The following ZFHX3 variants were observed in gnomAD, a reference collection of about 807,000 sequenced individuals.
ZFHX3 encodes zinc finger homeobox 3, also known as zinc finger homeobox protein 3.
ZFHX3 carries 42 observed loss-of-function variants against 279.1 expected under a neutral mutation model. That is an observed-to-expected ratio of 0.15 (90% CI 0.12 to 0.19). The LOEUF is 0.19. Ranked by LOEUF, ZFHX3 falls within the 10% of genes least tolerant of loss-of-function variation. The pLI is 1.00. For missense variants in ZFHX3, 4,981 were observed against 4,754.0 expected (o/e 1.05, Z -1.40); for synonymous variants, 2,293 against 1,957.8 (o/e 1.17, Z -4.52).
intron 5 of ZFHX3, among the ~76,000 whole-genome samples, chr16:73,235,969 C>T (rs1447218403): frequency 1.3e-5 from 2 of 152,128 alleles, no homozygotes; most frequent in African/African-American, 2.4e-5. Flanking sequence ...TTGCACCTGG[C>T]CCAAATATAT....
intron 3 of ZFHX3, among the ~76,000 whole-genome samples, chr16:73,344,585 A>G (rs2016091440): frequency 6.6e-6 from 1 of 152,222 alleles, no homozygotes; most frequent in South Asian, 2.1e-4. Flanking sequence ...TAGGTAAAAC[A>G]ATGTTCTTGT....
intron 7 of ZFHX3, among the ~76,000 whole-genome samples, chr16:73,105,420 T>TATATATATATACACACACACAC (rs1966289282): frequency 1.3e-5 from 1 of 77,962 alleles, no homozygotes; most frequent in Non-Finnish European, 2.7e-5. Flanking sequence ...CACACACACA[T>TATATATATATACACACACACAC]ATATATATAT....
chr16:73,727,654 T>G (rs1364752889), intron 1 of ZFHX3, among the ~76,000 whole-genome samples: 1 of 152,194 alleles, frequency 6.6e-6, no homozygotes, highest in Admixed American at 6.5e-5. Flanking sequence ...CCATCCCATT[T>G]CTAGGTATCT....
intron 1 of ZFHX3, among the ~76,000 whole-genome samples, chr16:73,856,998 CACAG>C (rs1358778471): frequency 6.6e-6 from 1 of 152,192 alleles, no homozygotes; most frequent in Admixed American, 6.5e-5. Flanking sequence ...CAGAGAGCGG[CACAG>C]ACAAACAGAG....
chr16:73,222,240 G>A (rs2012445891), intron 5 of ZFHX3, among the ~76,000 whole-genome samples: 1 of 151,916 alleles, frequency 6.6e-6, no homozygotes, highest in African/African-American at 2.4e-5. Context: ...TGCATTTAAA[G>A]CACTTAGCTT....
chr16:73,690,602 C>T (rs888161654), intron 1 of ZFHX3, among the ~76,000 whole-genome samples: 1 of 152,240 alleles, frequency 6.6e-6, no homozygotes, highest in African/African-American at 2.4e-5. Flanking sequence ...GAAGTAGTGT[C>T]TATTTCTTCA....
chr16:73,654,262 T>C (rs1478004862), intron 2 of ZFHX3, among the ~76,000 whole-genome samples: 1 of 151,788 alleles, frequency 6.6e-6, no homozygotes, highest in Non-Finnish European at 1.5e-5. Flanking sequence ...AAGTACGACA[T>C]TTAACAAAAT....
chr16:73,258,584 G>A (rs562120009), intron 4 of ZFHX3, among the ~76,000 whole-genome samples: 9 of 152,128 alleles, frequency 5.9e-5, no homozygotes, highest in East Asian at 5.8e-4. Context: ...TCCTGACCTC[G>A]TGATCCGCCC....
At chr16:72,824,627 G>A (rs2036888688) in intron 5 of ZFHX3, among the ~76,000 whole-genome samples, 1 of 152,084 alleles carries the variant, frequency 6.6e-6, no homozygotes, top group Non-Finnish European at 1.5e-5. Flanking sequence ...ACTCAGCCTG[G>A]TACTCTGTGG....
rs8056382 is a variant in ZFHX3, at chr16:72,995,919, G to C, written c.-49-35725C>G. 6.5e-3 allele frequency among the ~76,000 whole-genome samples: 987 copies of C among 152,300 alleles called. 12 individuals are homozygous for C. The highest frequency in any genetic ancestry group is 0.022 in the African/African-American group (934 of 41,556). ...AGGGCCTTAGGCTCCAGAATTTCTC[G>C]ATGTTCTGCTCAGGAGGCACTGTCC... On this transcript the variant is annotated intron_variant, in intron 1 of 9. Coordinates refer to ENST00000268489, the MANE Select transcript of ZFHX3 (RefSeq NM_006885.4).
At chr16:73,426,919 T>G (rs1179357955) in intron 3 of ZFHX3, among the ~76,000 whole-genome samples, 1 of 152,128 alleles carries the variant, frequency 6.6e-6, no homozygotes, top group African/African-American at 2.4e-5. Context: ...GTCAACGTGT[T>G]GATTATTCTG....
intron 2 of ZFHX3, among the ~76,000 whole-genome samples, chr16:73,575,037 GT>G (rs2051785486): frequency 6.6e-6 from 1 of 152,122 alleles, no homozygotes; most frequent in South Asian, 2.1e-4. Flanking sequence ...TCCTCATGCC[GT>G]TTTGTGTGTT....
At chr16:73,361,884 G>A (rs947200935) in intron 3 of ZFHX3, among the ~76,000 whole-genome samples, 1 of 152,058 alleles carries the variant, frequency 6.6e-6, no homozygotes, top group African/African-American at 2.4e-5. Flanking sequence ...CCAATAGGAG[G>A]GATTTCTCTT....
rs201708317 is a variant in ZFHX3, at chr16:73,841,648, A to C, written c.-1608+50003T>G. Among the ~76,000 whole-genome samples the C allele has an allele frequency of 1.9e-3, 286 of 152,270 alleles. 1 individual carries two copies. Among genetic ancestry groups the C allele is most frequent in the African/African-American group, 6.4e-3 (264 of 41,558 alleles). On this transcript the variant is annotated intron_variant, in intron 1 of 17. Coordinates refer to the ZFHX3 transcript ENST00000641206. ...CCTCCCCAAGAGCTGAGATCCCTCC[A>C]CCACCCATCCGGGAGCTCTCTTGGA...
At chr16:73,621,105 T>C (rs2052356642) in intron 2 of ZFHX3, among the ~76,000 whole-genome samples, 2 of 152,102 alleles carry the variant, frequency 1.3e-5, no homozygotes, top group Admixed American at 6.5e-5. Context: ...GAGGAAGAGG[T>C]CTTGGGGAGG....
At chr16:73,575,967 G>A (rs144833058) in intron 2 of ZFHX3, among the ~76,000 whole-genome samples, 1 of 152,120 alleles carries the variant, frequency 6.6e-6, no homozygotes, top group Non-Finnish European at 1.5e-5. Context: ...TGGATTTTCA[G>A]GATGAATGGA....
chr16:73,787,485 A>G lies in ZFHX3; in HGVS notation c.-1608+104166T>C, dbSNP rs1051387326. Among the ~76,000 whole-genome samples, 8 of 152,264 alleles carry G rather than the reference A, an allele frequency of 5.3e-5. No individual in the cohort carries two copies. The East Asian group carries it at 7.7e-4, about 15-fold the overall frequency. On this transcript the variant is annotated intron_variant, in intron 1 of 17. Coordinates refer to the ZFHX3 transcript ENST00000641206. The stretch of plus-strand genomic sequence containing the variant: ...TGTCCAGGATGTTCCATGGCCTGGC[A>G]TGTTCTGTGGCTCCTGGTTGCATCC...
At chr16:73,687,793 A>T (rs185461092) in intron 1 of ZFHX3, among the ~76,000 whole-genome samples, 2 of 110,112 alleles carry the variant, frequency 1.8e-5, no homozygotes, top group Admixed American at 1.4e-4. Context: ...GGTTGCAGTG[A>T]GCCGAGATTG....
chr16:73,335,645 A>G (rs1255948290), intron 3 of ZFHX3, among the ~76,000 whole-genome samples: 1 of 152,124 alleles, frequency 6.6e-6, no homozygotes, highest in Non-Finnish European at 1.5e-5. Context: ...ACGTAATAAT[A>G]ACGTCCCTGA....
Sources: allele counts gnomAD v4.1 joint callset (sites outside exome capture counted in the v4.1 genomes callset), GRCh38; gene constraint gnomAD v4.1.1; transcripts MANE v1.5; gene names NCBI Gene and HGNC (gene_info 2026-07-23, HGNC 2026-07-21).